The following LPAR5 variants were observed in gnomAD, a reference collection of about 807,000 sequenced individuals.
LPAR5 encodes the protein G protein-coupled receptor 92.
For missense variants in LPAR5, 544 were observed against 521.8 expected (o/e 1.04, Z -0.41); for synonymous variants, 271 against 261.6 (o/e 1.04, Z -0.35).
intron 1 of LPAR5, among the ~76,000 whole-genome samples, chr12:6,627,633 A>T (rs1490434772): frequency 1.3e-5 from 2 of 152,166 alleles, no homozygotes; most frequent in Non-Finnish European, 2.9e-5. Context: ...CCTTAAGTGC[A>T]TACGTAAGCA....
chr12:6,624,785 T>A (rs1331406297), intron 1 of LPAR5, among the ~76,000 whole-genome samples: 1 of 152,088 alleles, frequency 6.6e-6, no homozygotes, highest in East Asian at 1.9e-4. Context: ...CACGCCTGGC[T>A]AATTTTGTAT....
At chr12:6,634,467 C>CA (rs201077759) in intron 1 of LPAR5, among the ~76,000 whole-genome samples, 2 of 151,016 alleles carry the variant, frequency 1.3e-5, no homozygotes, top group South Asian at 2.1e-4. Context: ...CACACACACC[C>CA]AAAAAAAATA....
At chr12:6,631,009 G>A (rs1948977698) in intron 1 of LPAR5, among the ~76,000 whole-genome samples, 1 of 152,162 alleles carries the variant, frequency 6.6e-6, no homozygotes, top group African/African-American at 2.4e-5. Context: ...GTTGGGGAGG[G>A]GCAGCCCAGA....
rs1251778420 is a variant in LPAR5, at chr12:6,619,212, A to G, written c.*918T>C. On this transcript the variant is annotated 3_prime_UTR_variant, in exon 2 of 2. Transcript: ENST00000329858. ...AGTATGGTAAGTATCAAAAGAACAA[A>G]ATATAAGCAAAGCTCTTTGAGATCC... The G allele has an allele frequency of 6.6e-6, 1 of 152,192 alleles. No individual in the cohort carries two copies. The highest frequency in any genetic ancestry group is 6.5e-5 in the Admixed American group (1 of 15,268). The allele number at this position is 152,192 out of a possible 1,614,324, so 9.4% of individuals were successfully genotyped here.
chr12:6,635,432 T>C (rs1949003545), intron 1 of LPAR5, among the ~76,000 whole-genome samples: 1 of 152,188 alleles, frequency 6.6e-6, no homozygotes, highest in South Asian at 2.1e-4. Flanking sequence ...AGGATAACAC[T>C]GAGAACACAT....
intron 1 of LPAR5, 121 bp from the exon 2 acceptor site, chr12:6,621,585 A>T: frequency 4.2e-6 from 1 of 237,106 alleles, no homozygotes; most frequent in Non-Finnish European, 8.2e-6. Context: ...GGGCTAGAAT[A>T]GGTTCCTACG....
At chr12:6,628,291 G>T (rs1948957132) in intron 1 of LPAR5, among the ~76,000 whole-genome samples, 1 of 152,088 alleles carries the variant, frequency 6.6e-6, no homozygotes, top group Non-Finnish European at 1.5e-5. Context: ...AAAGAGCTGG[G>T]ATTACAGGCG....
rs1047919208 is a variant in LPAR5, at chr12:6,619,226, T to C, written c.*904A>G. ...CAAAAGAACAAAATATAAGCAAAGC[T>C]CTTTGAGATCCTCAATTTCTAAGAG... On this transcript the variant is annotated 3_prime_UTR_variant, in exon 2 of 2. Coordinates refer to ENST00000329858, the MANE Select transcript of LPAR5 (RefSeq NM_020400.6). 3 of 152,170 alleles carry C rather than the reference T, an allele frequency of 2.0e-5. No individual in the cohort carries two copies. Among genetic ancestry groups the C allele is most frequent in the Admixed American group, 1.3e-4 (2 of 15,262 alleles). The allele number at this position is 152,170 out of a possible 1,614,324, so 9.4% of individuals were successfully genotyped here. A position where few individuals can be genotyped will look rare whatever the true frequency, so the allele number is the denominator to read the frequency against.
rs143812795 is a variant in LPAR5 at position 6,621,057 on chromosome 12, C to T, written c.192G>A (p.Leu64=). The part of the protein sequence containing the change: ...HSVVSVYMCN[L]AASDLLFTLS... ...GGGTGAAGAGCAGGTCGCTGGCCGCCAGGTTACACATGTACACGCTCACCA... is the reference window on the plus strand; with the variant it reads ...GGGTGAAGAGCAGGTCGCTGGCCGCTAGGTTACACATGTACACGCTCACCA... Residue 64 remains leucine, a synonymous_variant, in exon 2 of 2, where the codon CTG becomes CTA. Transcript: ENST00000329858. 484 of 1,605,292 alleles carry T rather than the reference C, an allele frequency of 3.0e-4. No individual in the cohort carries two copies. The highest frequency in any genetic ancestry group is 3.9e-4 in the Non-Finnish European group (458 of 1,174,712).
intron 1 of LPAR5, among the ~76,000 whole-genome samples, chr12:6,631,952 C>T (rs993347424): frequency 1.3e-5 from 2 of 152,056 alleles, no homozygotes; most frequent in African/African-American, 4.8e-5. Context: ...TGTCTTTTGC[C>T]TCCTTTCTTT....
chr12:6,621,258 G>A lies in LPAR5; in HGVS notation c.-10C>T. The A allele has an allele frequency of 6.7e-7, 1 of 1,498,400 alleles. No homozygotes were observed. The highest frequency in any genetic ancestry group is 8.9e-7 in the Non-Finnish European group (1 of 1,124,318). 92.8% of individuals were successfully genotyped at this position (1,498,400 alleles called of 1,614,324 possible). ...AGCTGTTGGCTAACATCGTGCCAAA[G>A]TGGGATTGGGAGCTAGGCTGGGGAT... On this transcript the variant is annotated 5_prime_UTR_variant, in exon 2 of 2. Coordinates refer to ENST00000329858, the MANE Select transcript of LPAR5 (RefSeq NM_020400.6).
rs370119475 is a variant in LPAR5, at chr12:6,635,957, T to TCTGGGCTGGG, written c.-268_-267insCCCAGCCCAG. On this transcript the variant is annotated 5_prime_UTR_variant, in exon 1 of 2. Transcript: ENST00000329858. ...CCCCAAGCTGGCTTCCGCTGCCTGC[T>TCTGGGCTGGG]CTGGGCTGGGCTGGGCTGGGCTGGG... 1 of 153,332 alleles carries TCTGGGCTGGG rather than the reference T, an allele frequency of 6.5e-6. No individual in the cohort carries two copies. Among genetic ancestry groups the TCTGGGCTGGG allele is most frequent in the East Asian group, 1.9e-4 (1 of 5,170 alleles). 9.5% of individuals were successfully genotyped at this position (153,332 alleles called of 1,614,324 possible). A position where few individuals can be genotyped will look rare whatever the true frequency, so the allele number is the denominator to read the frequency against.
intron 1 of LPAR5, among the ~76,000 whole-genome samples, chr12:6,621,966 A>G (rs1048130679): frequency 1.1e-4 from 17 of 151,034 alleles, no homozygotes; most frequent in African/African-American, 3.9e-4. Flanking sequence ...CATCTCTACT[A>G]AAAATACAAA....
At chr12:6,633,985 C>T (rs1948996211) in intron 1 of LPAR5, among the ~76,000 whole-genome samples, 1 of 152,124 alleles carries the variant, frequency 6.6e-6, no homozygotes, top group Admixed American at 6.6e-5. Context: ...GCCTGGGCAG[C>T]ATAGTGGGAC....
At position 6,619,923 on chromosome 12, in the gene LPAR5, G is replaced by A. The variant is rs1043202899; in HGVS notation, c.*207C>T. On this transcript the variant is annotated 3_prime_UTR_variant, in exon 2 of 2. Coordinates refer to ENST00000329858, the MANE Select transcript of LPAR5 (RefSeq NM_020400.6). ...CACCGCTGGAGAAGGGGTGCTCTGC[G>A]TGCTCACAGTTTAAAGAAGCCATTT... is the stretch of plus-strand genomic sequence containing the variant. 14 of 749,246 alleles carry A rather than the reference G, an allele frequency of 1.9e-5. No individual in the cohort carries two copies. The highest frequency in any genetic ancestry group is 3.1e-5 in the Non-Finnish European group (13 of 426,090). 46.4% of individuals were successfully genotyped at this position (749,246 alleles called of 1,614,324 possible). A position where few individuals can be genotyped will look rare whatever the true frequency, so the allele number is the denominator to read the frequency against.
At chr12:6,627,703 C>CTAGA (rs1948951295) in intron 1 of LPAR5, among the ~76,000 whole-genome samples, 1 of 152,178 alleles carries the variant, frequency 6.6e-6, no homozygotes, top group African/African-American at 2.4e-5. Flanking sequence ...ATTTCCCCAA[C>CTAGA]TAGATGGTAA....
chr12:6,626,038 G>A (rs1440589974), intron 1 of LPAR5, among the ~76,000 whole-genome samples: 3 of 152,098 alleles, frequency 2.0e-5, no homozygotes, highest in Non-Finnish European at 4.4e-5. Flanking sequence ...GGGAGGCTGA[G>A]GTGGGTGGAT....
Position 6,620,770 on chromosome 12 carries a change from TGCACGCGG to T in LPAR5, c.471_478del (p.Arg158GlnfsTer79), listed in dbSNP as rs748215534. 3.8e-6 allele frequency: 6 copies of T among 1,589,244 alleles called. No homozygotes were observed. The highest frequency in any genetic ancestry group is 4.3e-6 in the Non-Finnish European group (5 of 1,168,352). On this transcript the variant is annotated frameshift_variant, in exon 2 of 2. Transcript: ENST00000329858. LOFTEE classifies it low-confidence loss of function (END_TRUNC). The surrounding 1 kb of genome is among the most constrained non-coding windows in gnomAD (Gnocchi z 6.8). ...CCGGTAGCGGCAACGCGAGGGCCTG[TGCACGCGG>T]GCGGCGGGCACGGCAAACACCAGGA...
At chr12:6,629,531 G>T (rs889873692) in intron 1 of LPAR5, among the ~76,000 whole-genome samples, 2 of 142,426 alleles carry the variant, frequency 1.4e-5, no homozygotes, top group Admixed American at 1.4e-4. Flanking sequence ...AATATTAGCC[G>T]AGCTTGGTGG....
Sources: gnomAD v4.1 joint callset for allele counts (sites outside exome capture counted in the v4.1 genomes callset) on GRCh38, gnomAD v4.1.1 for gene constraint, Gnocchi (gnomAD v3.1) non-coding constraint, MANE v1.5 for transcripts, NCBI Gene and HGNC (gene_info 2026-07-23, HGNC 2026-07-21) for gene names.